The following LSAMP variants were observed in gnomAD, a reference collection of about 807,000 sequenced individuals.
The protein encoded by LSAMP is limbic system-associated membrane protein.
Under a neutral mutation model 38.6 loss-of-function variants are expected in LSAMP, and 7 were observed. The ratio of observed to expected loss-of-function variants is 0.18; its 90% CI spans 0.10 to 0.34. LSAMP has a LOEUF of 0.34. LSAMP is among the 10% of genes least tolerant of loss of function. The probability of loss-of-function intolerance (pLI) is 1.00; values close to 1 mark genes in which losing one functional copy is unlikely to be tolerated. For synonymous variants in LSAMP, 154 were observed against 166.8 expected (o/e 0.92, Z 0.59); for missense variants, 313 against 420.0 (o/e 0.75, Z 2.23).
chr3:115,898,802 C>T (rs1333669949), intron 3 of LSAMP, among the ~76,000 whole-genome samples: 1 of 151,984 alleles, frequency 6.6e-6, no homozygotes, highest in Non-Finnish European at 1.5e-5. Flanking sequence ...GGTTGTGAGG[C>T]ATCTCCAGTG....
intron 1 of LSAMP, among the ~76,000 whole-genome samples, chr3:116,316,658 CTA>C (rs904442667): frequency 1.9e-4 from 29 of 151,384 alleles, no homozygotes; most frequent in African/African-American, 7.0e-4. Flanking sequence ...GTAATCCCAG[CTA>C]CTCAGGAGGC....
intron 1 of LSAMP, among the ~76,000 whole-genome samples, chr3:116,376,461 T>C (rs1163924843): frequency 6.6e-6 from 1 of 152,030 alleles, no homozygotes; most frequent in Admixed American, 6.6e-5. Flanking sequence ...GAGATTGCAG[T>C]GGGATTCAGG....
At position 116,445,479 on chromosome 3, in the gene LSAMP, C is replaced by T; in HGVS notation, c.-448G>A. Reference sequence around the variant, plus strand: ...CCTGCCAGTGAGTGTACAGAAACAGCCACACAGCAGCAGCAGCAGCAGAAG... The same window carrying T: ...CCTGCCAGTGAGTGTACAGAAACAGTCACACAGCAGCAGCAGCAGCAGAAG... On this transcript the variant is annotated 5_prime_UTR_variant, in exon 1 of 7. Transcript: ENST00000490035. 1 of 430,430 alleles carries T rather than the reference C, an allele frequency of 2.3e-6. No individual in the cohort carries two copies. The highest frequency in any genetic ancestry group is 4.1e-6 in the Non-Finnish European group (1 of 246,622). 26.7% of individuals were successfully genotyped at this position (430,430 alleles called of 1,614,324 possible).
intron 1 of LSAMP, among the ~76,000 whole-genome samples, chr3:116,110,600 G>A (rs905536465): frequency 1.3e-5 from 2 of 152,170 alleles, no homozygotes. Flanking sequence ...AGGAGAAAGA[G>A]GTTGAGGGAT....
intron 6 of LSAMP, among the ~76,000 whole-genome samples, chr3:115,831,416 C>T (rs1426649001): frequency 6.6e-6 from 1 of 152,080 alleles, no homozygotes; most frequent in Non-Finnish European, 1.5e-5. Context: ...GGTTGTTTGC[C>T]CTTGTCTTTG....
At chr3:116,061,370 C>G (rs1013181556) in intron 2 of LSAMP, among the ~76,000 whole-genome samples, 3 of 152,156 alleles carry the variant, frequency 2.0e-5, no homozygotes, top group Non-Finnish European at 2.9e-5. Context: ...TAGGTTCTTT[C>G]TCCTTAGGGG....
intron 3 of LSAMP, among the ~76,000 whole-genome samples, chr3:115,877,619 C>T (rs755652431): frequency 6.6e-5 from 10 of 152,260 alleles, no homozygotes; most frequent in Non-Finnish European, 8.8e-5. Context: ...CATCCCTTCC[C>T]TACTAGAAGC....
chr3:115,896,310 A>C (rs555137742), intron 3 of LSAMP, among the ~76,000 whole-genome samples: 1 of 152,232 alleles, frequency 6.6e-6, no homozygotes, highest in African/African-American at 2.4e-5. Context: ...GCTAAAAATA[A>C]TGGTCTTTAG....
chr3:116,222,183 G>A (rs988329780), intron 1 of LSAMP, among the ~76,000 whole-genome samples: 2 of 151,478 alleles, frequency 1.3e-5, no homozygotes, highest in Non-Finnish European at 2.9e-5. Flanking sequence ...CTCTCTGGGC[G>A]TGGTTCTTCA....
rs549927826 is a variant in LSAMP, at chr3:115,974,666, G to A, written c.514+44849C>T. 2.0e-5 allele frequency among the ~76,000 whole-genome samples: 3 copies of A among 152,302 alleles called. No individual in the cohort carries two copies. The South Asian group carries it at 6.2e-4, about 32-fold the overall frequency. Reference sequence around the variant, plus strand: ...GAGTAAGGTGAATCTTTGAAGACAAGGGGAATAGAGGAAGCAGATGTCTCA... The same window carrying A: ...GAGTAAGGTGAATCTTTGAAGACAAAGGGAATAGAGGAAGCAGATGTCTCA... On this transcript the variant is annotated intron_variant, in intron 3 of 6. Coordinates refer to ENST00000490035, the MANE Select transcript of LSAMP (RefSeq NM_002338.5).
intron 1 of LSAMP, among the ~76,000 whole-genome samples, chr3:116,393,353 A>G (rs1357793782): frequency 2.0e-5 from 3 of 152,176 alleles, no homozygotes; most frequent in Non-Finnish European, 4.4e-5. Flanking sequence ...AACGGCTTGC[A>G]GTGCATCTGG....
At position 115,969,567 on chromosome 3, in the gene LSAMP, T is replaced by C. The variant is rs1938944292; in HGVS notation, c.514+49948A>G. On this transcript the variant is annotated intron_variant, in intron 3 of 6. Coordinates refer to ENST00000490035, the MANE Select transcript of LSAMP (RefSeq NM_002338.5). The stretch of plus-strand genomic sequence containing the variant: ...GGCGAAAAAATTCTTTGAAAGCTCA[T>C]GTCTATAATCACCACAATTACAGCT... Among the ~76,000 whole-genome samples the C allele has an allele frequency of 2.0e-5, 3 of 152,344 alleles. No individual in the cohort carries two copies. In the South Asian group the frequency reaches 6.2e-4, roughly 32 times the overall value.
intron 6 of LSAMP, among the ~76,000 whole-genome samples, chr3:115,811,037 T>C (rs1933811352): frequency 6.6e-6 from 1 of 152,148 alleles, no homozygotes; most frequent in Non-Finnish European, 1.5e-5. Flanking sequence ...TCCTCCAAAC[T>C]CTTCATTTGT....
chr3:116,111,613 C>T (rs1258396907), intron 1 of LSAMP, among the ~76,000 whole-genome samples: 9 of 151,626 alleles, frequency 5.9e-5, no homozygotes, highest in African/African-American at 2.2e-4. Flanking sequence ...TTTCCTTTTC[C>T]TTTCTTCTCC....
intron 3 of LSAMP, among the ~76,000 whole-genome samples, chr3:115,858,674 A>C (rs1162069061): frequency 2.0e-5 from 3 of 152,172 alleles, no homozygotes; most frequent in Non-Finnish European, 2.9e-5. Flanking sequence ...ACATACATAC[A>C]GTTTAATGAA....
At chr3:116,080,324 G>T (rs1707844419) in intron 2 of LSAMP, among the ~76,000 whole-genome samples, 1 of 152,134 alleles carries the variant, frequency 6.6e-6, no homozygotes, top group Non-Finnish European at 1.5e-5. Context: ...CAACTCTTGT[G>T]CCACTATTGG....
chr3:116,059,574 TC>T (rs772046393), intron 2 of LSAMP, among the ~76,000 whole-genome samples: 1 of 152,172 alleles, frequency 6.6e-6, no homozygotes, highest in Non-Finnish European at 1.5e-5. Context: ...GCAGCACAGT[TC>T]CACCAAAGGA....
intron 1 of LSAMP, among the ~76,000 whole-genome samples, chr3:116,243,116 A>G (rs2046560374): frequency 6.6e-6 from 1 of 152,176 alleles, no homozygotes; most frequent in Non-Finnish European, 1.5e-5. Flanking sequence ...AGAGAAGATG[A>G]TATTACTTGA....
At chr3:116,366,010 T>TAATAA (rs2048346843) in intron 1 of LSAMP, among the ~76,000 whole-genome samples, 1 of 2,912 alleles carries the variant, frequency 3.4e-4, no homozygotes, top group Non-Finnish European at 8.2e-4. Context: ...ACTTAGAGTA[T>TAATAA]AATAAAAAAA....
Sources: gnomAD v4.1 joint callset for allele counts (sites outside exome capture counted in the v4.1 genomes callset) on GRCh38, gnomAD v4.1.1 for gene constraint, MANE v1.5 for transcripts, NCBI Gene and HGNC (gene_info 2026-07-23, HGNC 2026-07-21) for gene names.